PPP3CA: variants seen among roughly 807,000 people sequenced by gnomAD.
The protein encoded by PPP3CA is CAM-PRP catalytic subunit.
A neutral mutation model predicts 66.5 loss-of-function variants in PPP3CA; 14 were observed. The observed-to-expected ratio is 0.21, with a 90% CI of 0.14 to 0.33. The LOEUF (loss-of-function observed/expected upper bound fraction) is 0.33. PPP3CA is among the 10% of genes least tolerant of loss of function. The pLI, the probability that PPP3CA is intolerant of heterozygous loss-of-function variation, is 1.00. For synonymous variants in PPP3CA, 232 were observed against 226.2 expected, an observed-to-expected ratio of 1.03 and a Z score of -0.23; for missense variants, 317 against 639.5, an observed-to-expected ratio of 0.50 and a Z score of 5.44.
intron 2 of PPP3CA, among the ~76,000 whole-genome samples, chr4:101,189,705 C>CAA (rs1215452334): frequency 7.9e-6 from 1 of 126,740 alleles, no homozygotes; most frequent in East Asian, 2.3e-4. Flanking sequence ...AAAAAAAAAA[C>CAA]AAAACCAAAA....
At chr4:101,076,500 T>C (rs1729198191) in intron 8 of PPP3CA, among the ~76,000 whole-genome samples, 1 of 152,128 alleles carries the variant, frequency 6.6e-6, no homozygotes, top group African/African-American at 2.4e-5. Flanking sequence ...AGAAAATGAT[T>C]AGCATTGCAG....
intron 1 of PPP3CA, among the ~76,000 whole-genome samples, chr4:101,332,884 A>G (rs1397834716): frequency 6.6e-6 from 1 of 152,162 alleles, no homozygotes. Context: ...CCACACTGTG[A>G]TGCTGTCTCC....
chr4:101,086,395 G>C (rs1729675761), intron 6 of PPP3CA, among the ~76,000 whole-genome samples: 2 of 152,104 alleles, frequency 1.3e-5, no homozygotes, highest in African/African-American at 4.8e-5. Context: ...TGGCTTGGCA[G>C]TAGAGCAAAC....
chr4:101,255,035 CAA>C (rs1163406764), intron 1 of PPP3CA, among the ~76,000 whole-genome samples: 7 of 44,704 alleles, frequency 1.6e-4, no homozygotes, highest in African/African-American at 3.1e-4. Flanking sequence ...AGTCCCGTCT[CAA>C]AAAAAAAAAA....
intron 1 of PPP3CA, among the ~76,000 whole-genome samples, chr4:101,285,591 CTG>C (rs1394871373): frequency 7.6e-6 from 1 of 131,752 alleles, no homozygotes; most frequent in African/African-American, 2.9e-5. Context: ...TCAAATGCCA[CTG>C]TGTGTATGTG....
intron 2 of PPP3CA, among the ~76,000 whole-genome samples, chr4:101,187,804 T>C (rs1724462054): frequency 6.6e-6 from 1 of 152,180 alleles, no homozygotes; most frequent in African/African-American, 2.4e-5. Context: ...TGAGCAAAGC[T>C]GAGTTCTGAA....
rs1382531076 is a variant in PPP3CA, at chr4:101,106,399, A to AAGAG, written c.384+2554_384+2555insCTCT. Among the ~76,000 whole-genome samples, 69 of 8,230 alleles carry AAGAG rather than the reference A, an allele frequency of 8.4e-3. 7 individuals carry two copies. The highest frequency in any genetic ancestry group is 0.015 in the Non-Finnish European group (55 of 3,744). The allele number at this position is 8,230 out of a possible 152,430, so 5.4% of individuals were successfully genotyped here. On this transcript the variant is annotated intron_variant, in intron 3 of 13. Coordinates refer to ENST00000394854, the MANE Select transcript of PPP3CA (RefSeq NM_000944.5). ...AAAGAAAGAAAGAAAGAAAGAAAGAAAGAAAGAAAGAAAGAAAGAAAGAAA... is the reference window on the plus strand; with the variant it reads ...AAAGAAAGAAAGAAAGAAAGAAAGAAAGAGAGAAAGAAAGAAAGAAAGAAAGAAA...
intron 1 of PPP3CA, among the ~76,000 whole-genome samples, chr4:101,253,847 G>A (rs932328303): frequency 1.6e-4 from 24 of 151,884 alleles, no homozygotes; most frequent in Non-Finnish European, 2.9e-4. Flanking sequence ...TCTCTTTTAC[G>A]ATGCTCCTTA....
intron 1 of PPP3CA, among the ~76,000 whole-genome samples, chr4:101,322,871 A>C (rs1181925106): frequency 6.6e-6 from 1 of 152,228 alleles, no homozygotes; most frequent in African/African-American, 2.4e-5. Flanking sequence ...TTAATATCAC[A>C]ATTTTGAAGA....
At chr4:101,184,352 A>T (rs1724339507) in intron 2 of PPP3CA, among the ~76,000 whole-genome samples, 1 of 152,158 alleles carries the variant, frequency 6.6e-6, no homozygotes, top group Admixed American at 6.6e-5. Context: ...TGCATTTACT[A>T]AGGCTCTTAT....
intron 2 of PPP3CA, among the ~76,000 whole-genome samples, chr4:101,150,234 A>G (rs1723094636): frequency 6.6e-6 from 1 of 152,188 alleles, no homozygotes; most frequent in Non-Finnish European, 1.5e-5. Flanking sequence ...TACTATACTT[A>G]GTAGTTTATT....
chr4:101,324,587 T>G lies in PPP3CA; in HGVS notation c.58+22152A>C, dbSNP rs59169144. On this transcript the variant is annotated intron_variant, in intron 1 of 13. Coordinates refer to ENST00000394854, the MANE Select transcript of PPP3CA (RefSeq NM_000944.5). The stretch of plus-strand genomic sequence containing the variant: ...CTTAGAATCCTATCCAGTGTAATGA[T>G]GCGAATTTATTTAACAATTCTTGGT... Among the ~76,000 whole-genome samples the G allele has an allele frequency of 3.7e-4, 56 of 152,268 alleles. No individual in the cohort carries two copies. In the East Asian group the frequency reaches 0.011, roughly 29 times the overall value.
intron 1 of PPP3CA, among the ~76,000 whole-genome samples, chr4:101,227,003 A>G (rs906218770): frequency 6.6e-6 from 1 of 151,768 alleles, no homozygotes; most frequent in Non-Finnish European, 1.5e-5. Context: ...TTGCAATTAA[A>G]CATGATCTAC....
At chr4:101,053,474 T>C (rs1209845074) in intron 10 of PPP3CA, among the ~76,000 whole-genome samples, 1 of 152,132 alleles carries the variant, frequency 6.6e-6, no homozygotes, top group Non-Finnish European at 1.5e-5. Flanking sequence ...ATTTTAAAAA[T>C]CAGTCCTTAA....
In PPP3CA at chr4:101,124,731, GAAAGAAAGAAAGAAAGAA is replaced by G. The variant is rs1560614500; in HGVS notation, c.260-15671_260-15654del. Among the ~76,000 whole-genome samples the G allele has an allele frequency of 1.7e-3, 105 of 60,382 alleles. 1 individual carries two copies. The highest frequency in any genetic ancestry group is 6.9e-3 in the South Asian group (10 of 1,448). 39.6% of individuals were successfully genotyped at this position (60,382 alleles called of 152,430 possible). ...AAAGAAAGAAAGAAAGAAAGAGAAA[GAAAGAAAGAAAGAAAGAA>G]AGAAAGAAAGAAAGAAAGAAAGAAA... On this transcript the variant is annotated intron_variant, in intron 2 of 13. Transcript: ENST00000394854.
chr4:101,043,253 TA>T, intron 10 of PPP3CA, among the ~76,000 whole-genome samples: 1 of 152,136 alleles, frequency 6.6e-6, no homozygotes, highest in Admixed American at 6.5e-5. Context: ...AGATTTCTGA[TA>T]AAAAACTTGT....
intron 1 of PPP3CA, among the ~76,000 whole-genome samples, chr4:101,277,689 T>C (rs1419993278): frequency 6.6e-6 from 1 of 152,240 alleles, no homozygotes; most frequent in Admixed American, 6.5e-5. Flanking sequence ...TCTATAAATG[T>C]GCATTGGCTT....
At chr4:101,130,553 T>C (rs926850731) in intron 2 of PPP3CA, among the ~76,000 whole-genome samples, 3 of 152,212 alleles carry the variant, frequency 2.0e-5, no homozygotes, top group African/African-American at 4.8e-5. Flanking sequence ...AGGGGATCTC[T>C]CTGCAGAAAC....
chr4:101,177,222 CAG>C (rs1724090530), intron 2 of PPP3CA, among the ~76,000 whole-genome samples: 1 of 152,106 alleles, frequency 6.6e-6, no homozygotes, highest in Non-Finnish European at 1.5e-5. Context: ...TACTTTGACA[CAG>C]AGGTGTTTTT....
Sources: gnomAD v4.1 joint callset for allele counts (sites outside exome capture counted in the v4.1 genomes callset) on GRCh38, gnomAD v4.1.1 for gene constraint, MANE v1.5 for transcripts, NCBI Gene and HGNC (gene_info 2026-07-23, HGNC 2026-07-21) for gene names.